PHACTR1: variants seen among roughly 807,000 people sequenced by gnomAD.
PHACTR1 encodes the protein RPEL repeat containing 1.
In PHACTR1, 16 loss-of-function variants were observed where a neutral mutation model predicts 69.2. The observed-to-expected ratio is 0.23, with a 90% CI of 0.16 to 0.35. The LOEUF is 0.35. Ranked by LOEUF, PHACTR1 falls within the 10% of genes least tolerant of loss-of-function variation. The probability of loss-of-function intolerance (pLI) is 1.00; values close to 1 mark genes in which losing one functional copy is unlikely to be tolerated. For missense variants in PHACTR1, 510 were observed against 734.7 expected (o/e 0.69, Z 3.54); for synonymous variants, 312 against 284.5 (o/e 1.10, Z -0.97).
At chr6:12,769,266 G>A (rs73360019) in intron 4 of PHACTR1, among the ~76,000 whole-genome samples, 83 of 152,320 alleles carry the variant, frequency 5.4e-4, no homozygotes, top group African/African-American at 1.8e-3. Context: ...TACGGTAGTT[G>A]CCCTGATTTG....
At chr6:13,019,200 G>A (rs536408967) in intron 4 of PHACTR1, among the ~76,000 whole-genome samples, 12 of 151,920 alleles carry the variant, frequency 7.9e-5, no homozygotes, top group East Asian at 1.9e-4. Context: ...AGCGTGAGCC[G>A]CAGTGCCTGG....
At chr6:13,172,513 T>C (rs1001636712) in intron 6 of PHACTR1, among the ~76,000 whole-genome samples, 1 of 152,128 alleles carries the variant, frequency 6.6e-6, no homozygotes, top group Non-Finnish European at 1.5e-5. Context: ...TGAGCCATGG[T>C]TTATTGACCA....
intron 4 of PHACTR1, among the ~76,000 whole-genome samples, chr6:13,052,635 G>A (rs1452850301): frequency 6.6e-6 from 1 of 152,188 alleles, no homozygotes; most frequent in African/African-American, 2.4e-5. Context: ...GAGATTGAAA[G>A]TTGAATATGC....
intron 12 of PHACTR1, chr6:13,281,361 C>A: frequency 6.0e-6 from 2 of 334,512 alleles, no homozygotes; most frequent in Non-Finnish European, 1.2e-5. Flanking sequence ...CGAGAGCAGT[C>A]TGGGCAATAT....
At chr6:12,943,121 G>T (rs1303056923) in intron 4 of PHACTR1, among the ~76,000 whole-genome samples, 2 of 152,136 alleles carry the variant, frequency 1.3e-5, no homozygotes, top group Non-Finnish European at 2.9e-5. Context: ...ACCCACAAAT[G>T]TTCATCAATG....
chr6:13,234,005 A>G (rs1181456118), intron 10 of PHACTR1, among the ~76,000 whole-genome samples: 1 of 152,228 alleles, frequency 6.6e-6, no homozygotes, highest in Non-Finnish European at 1.5e-5. Context: ...AGAGATCAGC[A>G]CATCAGGCAG....
chr6:12,928,582 C>T (rs1273530873), intron 4 of PHACTR1, among the ~76,000 whole-genome samples: 1 of 152,096 alleles, frequency 6.6e-6, no homozygotes. Flanking sequence ...TTGAAAATTG[C>T]AATTCATTCC....
intron 5 of PHACTR1, among the ~76,000 whole-genome samples, chr6:13,076,474 G>A (rs1381368882): frequency 6.6e-6 from 1 of 152,146 alleles, no homozygotes; most frequent in East Asian, 1.9e-4. Flanking sequence ...TGGCTGCATA[G>A]AGAAAAATGT....
chr6:12,856,051 A>G (rs2127416622), intron 4 of PHACTR1, among the ~76,000 whole-genome samples: 1 of 152,234 alleles, frequency 6.6e-6, no homozygotes, highest in African/African-American at 2.4e-5. Flanking sequence ...AAGGTAACAT[A>G]TATCTTTAAT....
intron 4 of PHACTR1, among the ~76,000 whole-genome samples, chr6:12,780,249 C>CTCTGTG (rs3222018): frequency 1.4e-5 from 2 of 147,452 alleles, no homozygotes; most frequent in African/African-American, 5.1e-5. Flanking sequence ...TATCTTTTCT[C>CTCTGTG]TGTGTGTGTG....
intron 8 of PHACTR1, among the ~76,000 whole-genome samples, chr6:13,216,936 A>G (rs1489736161): frequency 6.6e-6 from 1 of 152,178 alleles, no homozygotes; most frequent in Non-Finnish European, 1.5e-5. Context: ...TAAAAAAAGG[A>G]AGTGTATTTT....
At chr6:12,749,583 C>T in intron 3 of PHACTR1, 61 bp from the exon 4 acceptor site, 1 of 816,432 alleles carries the variant, frequency 1.2e-6, no homozygotes, top group Non-Finnish European at 1.8e-6. Flanking sequence ...CGAGCCTCTT[C>T]CTCTCCCCTC....
At chr6:13,258,985 A>G (rs1200277394) in intron 10 of PHACTR1, among the ~76,000 whole-genome samples, 1 of 152,180 alleles carries the variant, frequency 6.6e-6, no homozygotes, top group Admixed American at 6.5e-5. Context: ...ACACGCAGGG[A>G]TGGTTGGAGG....
intron 4 of PHACTR1, among the ~76,000 whole-genome samples, chr6:13,031,978 G>C (rs1802513932): frequency 6.6e-6 from 1 of 152,162 alleles, no homozygotes; most frequent in South Asian, 2.1e-4. Flanking sequence ...AATATTTACA[G>C]TAAGAACATA....
At chr6:12,754,117 C>T (rs1459218590) in intron 4 of PHACTR1, among the ~76,000 whole-genome samples, 1 of 144,206 alleles carries the variant, frequency 6.9e-6, no homozygotes, top group African/African-American at 2.6e-5. Flanking sequence ...CACCTGCCAC[C>T]ACGCCTGGCT....
chr6:13,104,204 C>A (rs998338661), intron 5 of PHACTR1, among the ~76,000 whole-genome samples: 2 of 152,084 alleles, frequency 1.3e-5, no homozygotes, highest in African/African-American at 4.8e-5. Context: ...GTTAATATTT[C>A]TCTTTCTCTT....
intron 6 of PHACTR1, among the ~76,000 whole-genome samples, chr6:13,162,623 A>G (rs974707849): frequency 2.0e-5 from 3 of 152,212 alleles, no homozygotes; most frequent in African/African-American, 4.8e-5. Context: ...TCCCTCAGGA[A>G]TATTCTGAAG....
At chr6:13,070,782 C>A (rs1466076085) in intron 5 of PHACTR1, among the ~76,000 whole-genome samples, 1 of 151,612 alleles carries the variant, frequency 6.6e-6, no homozygotes, top group Non-Finnish European at 1.5e-5. Flanking sequence ...AGAAAGATAC[C>A]TATATGATGT....
At chr6:12,916,294 T>G (rs1312048887) in intron 4 of PHACTR1, among the ~76,000 whole-genome samples, 1 of 152,182 alleles carries the variant, frequency 6.6e-6, no homozygotes, top group Non-Finnish European at 1.5e-5. Context: ...ACCCTGAATT[T>G]CCACAGCTCT....
Sources: gnomAD v4.1 joint callset for allele counts (sites outside exome capture counted in the v4.1 genomes callset) on GRCh38, gnomAD v4.1.1 for gene constraint, MANE v1.5 for transcripts, NCBI Gene and HGNC (gene_info 2026-07-23, HGNC 2026-07-21) for gene names.